ISY1: variants seen among roughly 807,000 people sequenced by gnomAD.
The protein encoded by ISY1 is ISY1 spliceosome associated protein.
In ISY1, 12 loss-of-function variants were observed where a neutral mutation model predicts 54.4. The observed-to-expected ratio is 0.22, with a 90% CI of 0.14 to 0.36. ISY1 has a LOEUF of 0.36. Among genes scored for constraint, ISY1 ranks in the 10% least tolerant of loss-of-function variants. The pLI is 1.00. For synonymous variants in ISY1, 96 were observed against 117.9 expected (o/e 0.81, Z 1.20); for missense variants, 282 against 342.2 (o/e 0.82, Z 1.39).
Position 129,156,835 on chromosome 3 carries a change from CAGATTTA to C in ISY1, c.144+13_144+19del, listed in dbSNP as rs1290752605. The C allele has an allele frequency of 1.2e-6, 2 of 1,608,116 alleles. No homozygotes were observed. The highest frequency in any genetic ancestry group is 2.7e-5 in the African/African-American group (2 of 74,564). On this transcript the variant is annotated intron_variant, in intron 4 of 10. Transcript: ENST00000393295. ...AGAGACTTGTTACTTCTACTGAAAT[CAGATTTA>C]CCCAGAACATACCTGTCGTCTCCAC... is the stretch of plus-strand genomic sequence containing the variant.
chr3:129,147,870 C>A (rs1263343238), intron 5 of ISY1, among the ~76,000 whole-genome samples: 1 of 152,130 alleles, frequency 6.6e-6, no homozygotes, highest in Non-Finnish European at 1.5e-5. Flanking sequence ...ATAAATGGAT[C>A]AAAAATTATG....
At chr3:129,144,416 G>T (rs1160059899) in intron 6 of ISY1, among the ~76,000 whole-genome samples, 3 of 152,112 alleles carry the variant, frequency 2.0e-5, no homozygotes, top group Admixed American at 1.3e-4. Context: ...ATGGTTATGT[G>T]TTAGACTTTC....
chr3:129,134,914 C>T lies in ISY1; in HGVS notation c.459G>A (p.Lys153=), dbSNP rs770119402. Reference sequence around the variant, plus strand: ...AACCATAGTACTCAAAATCGATTGCCTTCATGAGCTCAGCACGTGTCTTTC... The same window carrying T: ...AACCATAGTACTCAAAATCGATTGCTTTCATGAGCTCAGCACGTGTCTTTC... ...PPRKTRAELM[K]AIDFEYYGYL... is the part of the protein sequence containing the mutation. Residue 153 remains lysine (K), a synonymous_variant, in exon 8 of 11, where the codon AAG becomes AAA. Coordinates refer to ENST00000393295, the MANE Select transcript of ISY1 (RefSeq NM_020701.4). 1.9e-6 allele frequency: 3 copies of T among 1,611,246 alleles called. No individual in the cohort carries two copies. In the South Asian group the frequency reaches 3.3e-5, roughly 18 times the overall value.
intron 6 of ISY1, among the ~76,000 whole-genome samples, chr3:129,141,611 A>T (rs1936618829): frequency 6.6e-6 from 1 of 151,350 alleles, no homozygotes; most frequent in Non-Finnish European, 1.5e-5. Context: ...AAAATTAGCT[A>T]GGCATGGTGG....
At chr3:129,148,176 C>T (rs1936832354) in intron 5 of ISY1, among the ~76,000 whole-genome samples, 1 of 152,068 alleles carries the variant, frequency 6.6e-6, no homozygotes, top group South Asian at 2.1e-4. Context: ...TATAGACACA[C>T]CTCAGTTTGT....
chr3:129,152,722 G>T (rs1205861899), intron 5 of ISY1, among the ~76,000 whole-genome samples: 1 of 151,998 alleles, frequency 6.6e-6, no homozygotes, highest in African/African-American at 2.4e-5. Flanking sequence ...TGCTAGGTTT[G>T]ATATGCTAAT....
At chr3:129,133,492 G>A (rs1159783703) in intron 9 of ISY1, among the ~76,000 whole-genome samples, 1 of 152,122 alleles carries the variant, frequency 6.6e-6, no homozygotes, top group African/African-American at 2.4e-5. Context: ...TCAGGAGTTC[G>A]AGACCAGCCT....
At chr3:129,153,156 T>A (rs1048779913) in intron 5 of ISY1, among the ~76,000 whole-genome samples, 2 of 151,972 alleles carry the variant, frequency 1.3e-5, no homozygotes, top group Non-Finnish European at 2.9e-5. Context: ...ATTACACGCA[T>A]GCGTCACCAT....
At chr3:129,135,745 G>A (rs1331936547) in intron 7 of ISY1, among the ~76,000 whole-genome samples, 3 of 149,000 alleles carry the variant, frequency 2.0e-5, no homozygotes, top group Non-Finnish European at 3.0e-5. Flanking sequence ...CAGCCTGGGC[G>A]ACAGAGCGAG....
chr3:129,139,706 G>A (rs1490678265), intron 7 of ISY1, among the ~76,000 whole-genome samples: 4 of 151,854 alleles, frequency 2.6e-5, no homozygotes, highest in South Asian at 2.1e-4. Context: ...GCAATGGCAC[G>A]ATCTCGGCTC....
At chr3:129,149,182 A>G (rs1005211358) in intron 5 of ISY1, among the ~76,000 whole-genome samples, 1 of 151,986 alleles carries the variant, frequency 6.6e-6, no homozygotes, top group African/African-American at 2.4e-5. Context: ...CTGTAATCCC[A>G]GCACTTTGGG....
intron 6 of ISY1, chr3:129,144,139 CACA>C (rs1232907784): frequency 2.3e-6 from 1 of 435,230 alleles, no homozygotes; most frequent in East Asian, 7.1e-5. Flanking sequence ...AAATCTCCAC[CACA>C]CAACTGCTGA....
chr3:129,160,921 C>A, intron 1 of ISY1, 52 bp downstream of exon 1: 1 of 647,258 alleles, frequency 1.5e-6, no homozygotes, highest in Non-Finnish European at 2.8e-6. Flanking sequence ...ACTGGGCGCC[C>A]CCCCGCCCGC....
intron 5 of ISY1, among the ~76,000 whole-genome samples, chr3:129,155,298 G>A (rs767671099): frequency 1.3e-4 from 19 of 151,392 alleles, no homozygotes; most frequent in Non-Finnish European, 1.6e-4. Context: ...GGGTTCAAGC[G>A]ATTCTCCTGC....
At chr3:129,130,772 T>C (rs1003529279) in intron 9 of ISY1, 136 bp from the exon 10 acceptor site, 5 of 899,830 alleles carry the variant, frequency 5.6e-6, no homozygotes, top group Middle Eastern at 2.3e-4. Context: ...AGAAAGACAC[T>C]TGACCCACAA....
At chr3:129,136,685 C>T (rs1160658234) in intron 7 of ISY1, among the ~76,000 whole-genome samples, 4 of 148,432 alleles carry the variant, frequency 2.7e-5, no homozygotes, top group African/African-American at 4.9e-5. Flanking sequence ...GTATTTTCTT[C>T]TTCTTCTTTT....
chr3:129,137,598 C>T (rs1006388912), intron 7 of ISY1, among the ~76,000 whole-genome samples: 14 of 152,090 alleles, frequency 9.2e-5, no homozygotes, highest in Admixed American at 2.6e-4. Flanking sequence ...TTTGGGAGGC[C>T]GAGGTGGGCA....
intron 6 of ISY1, chr3:129,144,186 T>A (rs1435142131): frequency 2.3e-6 from 1 of 431,688 alleles, no homozygotes; most frequent in African/African-American, 2.0e-5. Context: ...TGGCAGGACA[T>A]ATACTAAAAT....
intron 2 of ISY1, among the ~76,000 whole-genome samples, chr3:129,158,798 A>AAGGACTGTGGGAAACTCTACTT: frequency 6.6e-6 from 1 of 152,286 alleles, no homozygotes; most frequent in East Asian, 1.9e-4. Context: ...CACTACACAT[A>AAGGACTGTGGGAAACTCTACTT]AGGACTGTGG....
Sources: gnomAD v4.1 joint callset for allele counts (sites outside exome capture counted in the v4.1 genomes callset) on GRCh38, gnomAD v4.1.1 for gene constraint, MANE v1.5 for transcripts, NCBI Gene and HGNC (gene_info 2026-07-23, HGNC 2026-07-21) for gene names.